LONP2: variants seen among roughly 807,000 people sequenced by gnomAD.
LONP2 encodes the protein lon peptidase 2, peroxisomal.
A neutral mutation model predicts 85.6 loss-of-function variants in LONP2; 60 were observed. The observed-to-expected ratio is 0.70, with a 90% CI of 0.57 to 0.87. The LOEUF (loss-of-function observed/expected upper bound fraction) is 0.87, where lower values mean the gene tolerates loss of function less well. LONP2 is among the 40% of genes least tolerant of loss of function. The pLI, the probability that LONP2 is intolerant of heterozygous loss-of-function variation, is 0.00. For missense variants in LONP2, 860 were observed against 1,063.5 expected, an observed-to-expected ratio of 0.81 and a Z score of 2.66; for synonymous variants, 395 against 389.7, an observed-to-expected ratio of 1.01 and a Z score of -0.16.
At chr16:48,286,498 A>G (rs969591150) in intron 8 of LONP2, among the ~76,000 whole-genome samples, 10 of 151,322 alleles carry the variant, frequency 6.6e-5, no homozygotes, top group African/African-American at 2.4e-4. Context: ...GATGGTTTCC[A>G]TTGACTTCTC....
intron 4 of LONP2, 140 bp downstream of exon 4, chr16:48,258,880 T>C (rs967821911): frequency 3.1e-5 from 24 of 769,306 alleles, no homozygotes; most frequent in Non-Finnish European, 4.3e-5. Context: ...TCCTTTTCTT[T>C]GCCTGGATTT....
downstream of LONP2, chr16:48,361,447 C>T: frequency 1.2e-6 from 1 of 807,754 alleles, no homozygotes; most frequent in Non-Finnish European, 2.0e-6. Context: ...ATTTAACAGC[C>T]TTTCTTTTTA....
At chr16:48,267,723 C>T (rs976165178) in intron 6 of LONP2, among the ~76,000 whole-genome samples, 1 of 152,186 alleles carries the variant, frequency 6.6e-6, no homozygotes, top group African/African-American at 2.4e-5. Flanking sequence ...TCAAGTGACT[C>T]TCCTGCCCTA....
rs1002321608 is a variant in LONP2 at position 48,353,947 on chromosome 16, T to TATGA, written c.*2146_*2149dup. The TATGA allele has an allele frequency of 2.0e-5, 3 of 151,950 alleles. No individual in the cohort carries two copies. Among genetic ancestry groups the TATGA allele is most frequent in the African/African-American group, 7.3e-5 (3 of 41,366 alleles). 9.4% of individuals were successfully genotyped at this position (151,950 alleles called of 1,614,324 possible). On this transcript the variant is annotated 3_prime_UTR_variant, in exon 15 of 15. Transcript: ENST00000285737. ...AATAATGCATTCTCCCCTTGCTGTG[T>TATGA]ATGACATGGAACAGTATGACCATTG... is the stretch of plus-strand genomic sequence containing the variant.
Position 48,299,770 on chromosome 16 carries a change from C to T in LONP2, c.1643C>T (p.Thr548Ile). 3 of 1,611,752 alleles carry T rather than the reference C, an allele frequency of 1.9e-6. No individual in the cohort carries two copies. The highest frequency in any genetic ancestry group is 1.1e-5 in the South Asian group (1 of 90,414). The change falls in exon 10 of 15, where the codon ACT (threonine) becomes ATT (isoleucine). Residue 548 changes from threonine (T) to isoleucine (I), a missense_variant. This residue lies in a region of LONP2 where 743 missense variants were observed against 917.3 expected (regional missense o/e 0.81). Coordinates refer to ENST00000285737, the MANE Select transcript of LONP2 (RefSeq NM_031490.5). ...PQQIQIPQVT[T>I]LDIITRYTRE... ...CAGATTCAGATACCCCAGGTCACCA[C>T]TCTTGACATCATCACCAGGTTAGTT...
intron 12 of LONP2, chr16:48,343,933 A>G (rs1326807286): frequency 6.6e-6 from 1 of 152,204 alleles, no homozygotes; most frequent in Admixed American, 6.5e-5. Flanking sequence ...CTACTTTGGC[A>G]TATAGTGGGA....
intron 7 of LONP2, among the ~76,000 whole-genome samples, chr16:48,273,670 A>G (rs999171563): frequency 3.3e-5 from 5 of 152,204 alleles, no homozygotes; most frequent in African/African-American, 4.8e-5. Flanking sequence ...TAAATAATTT[A>G]AGTCAATTCA....
At chr16:48,342,043 A>G (rs1273147967) in intron 12 of LONP2, among the ~76,000 whole-genome samples, 1 of 152,170 alleles carries the variant, frequency 6.6e-6, no homozygotes, top group Non-Finnish European at 1.5e-5. Flanking sequence ...GGCTAGTTTT[A>G]GCAAAAGGAA....
At chr16:48,279,762 T>C (rs1480218175) in intron 8 of LONP2, among the ~76,000 whole-genome samples, 1 of 152,248 alleles carries the variant, frequency 6.6e-6, no homozygotes, top group Non-Finnish European at 1.5e-5. Flanking sequence ...GCTTAAAATA[T>C]TATTAATGCA....
At chr16:48,303,131 T>G in intron 10 of LONP2, 41 bp from the exon 11 acceptor site, 1 of 1,598,436 alleles carries the variant, frequency 6.3e-7, no homozygotes. Flanking sequence ...TTTTTTTAAG[T>G]GGTATATAGT....
chr16:48,278,189 G>C (rs1188410519), intron 8 of LONP2, among the ~76,000 whole-genome samples: 1 of 152,074 alleles, frequency 6.6e-6, no homozygotes, highest in African/African-American at 2.4e-5. Context: ...AATATTTTCA[G>C]AGTTAGCTGT....
At chr16:48,323,663 A>C (rs1345417432) in intron 11 of LONP2, among the ~76,000 whole-genome samples, 1 of 152,080 alleles carries the variant, frequency 6.6e-6, no homozygotes, top group Non-Finnish European at 1.5e-5. Context: ...TCTCCAAAAA[A>C]AAAAAAAAAC....
chr16:48,296,920 T>G (rs1972685704), intron 9 of LONP2, among the ~76,000 whole-genome samples: 1 of 152,238 alleles, frequency 6.6e-6, no homozygotes, highest in African/African-American at 2.4e-5. Context: ...CATTTTCACC[T>G]TATTTTAATT....
intron 11 of LONP2, among the ~76,000 whole-genome samples, chr16:48,312,868 G>A (rs1014595606): frequency 6.6e-6 from 1 of 152,150 alleles, no homozygotes; most frequent in African/African-American, 2.4e-5. Flanking sequence ...CAGGTACCGA[G>A]CTGGGCCGTG....
intron 11 of LONP2, among the ~76,000 whole-genome samples, chr16:48,327,864 A>G (rs1959293654): frequency 6.6e-6 from 1 of 152,244 alleles, no homozygotes; most frequent in Non-Finnish European, 1.5e-5. Context: ...AGCATAGAGC[A>G]GAGTCTTCAG....
At position 48,354,329 on chromosome 16, in the gene LONP2, T is replaced by C. The variant is rs1227354137; in HGVS notation, c.*2527T>C. 6.9e-6 allele frequency: 1 copy of C among 145,446 alleles called. No individual in the cohort carries two copies. Among genetic ancestry groups the C allele is most frequent in the Non-Finnish European group, 1.5e-5 (1 of 67,238 alleles). 9.0% of individuals were successfully genotyped at this position (145,446 alleles called of 1,614,324 possible). A position where few individuals can be genotyped will look rare whatever the true frequency, so the allele number is the denominator to read the frequency against. On this transcript the variant is annotated 3_prime_UTR_variant, in exon 15 of 15. Coordinates refer to ENST00000285737, the MANE Select transcript of LONP2 (RefSeq NM_031490.5). ...TTCAAGCAATTCTCATGCCTCAGCCTCCCAAGTAGCTGGGACCACAGGTGT... is the reference window on the plus strand; with the variant it reads ...TTCAAGCAATTCTCATGCCTCAGCCCCCCAAGTAGCTGGGACCACAGGTGT...
intron 2 of LONP2, among the ~76,000 whole-genome samples, chr16:48,254,561 C>T (rs1971719260): frequency 6.6e-6 from 1 of 151,334 alleles, no homozygotes; most frequent in Admixed American, 6.6e-5. Context: ...GATGAGGTTT[C>T]ACCATGTTGG....
intron 12 of LONP2, among the ~76,000 whole-genome samples, chr16:48,342,516 G>A (rs554285077): frequency 3.3e-5 from 5 of 152,348 alleles, no homozygotes; most frequent in Admixed American, 6.5e-5. Context: ...GGCCCCAACA[G>A]GAATCCGTTG....
chr16:48,267,751 G>T (rs1234432991), intron 6 of LONP2, among the ~76,000 whole-genome samples: 1 of 151,984 alleles, frequency 6.6e-6, no homozygotes, highest in East Asian at 1.9e-4. Flanking sequence ...GAGTAGCAGG[G>T]ATTACAGGCG....
Sources: gnomAD v4.1 joint callset for allele counts (sites outside exome capture counted in the v4.1 genomes callset) on GRCh38, gnomAD v4.1.1 for gene constraint, gnomAD v4.1.1 regional missense constraint, MANE v1.5 for transcripts, NCBI Gene and HGNC (gene_info 2026-07-23, HGNC 2026-07-21) for gene names.